SLC9A8: variants seen among roughly 807,000 people sequenced by gnomAD.
The protein encoded by SLC9A8 is sodium/hydrogen exchanger 8.
In SLC9A8, 48 loss-of-function variants were observed where a neutral mutation model predicts 66.6. That is an observed-to-expected ratio of 0.72 (90% confidence interval 0.57 to 0.92). The LOEUF (loss-of-function observed/expected upper bound fraction) is 0.92. SLC9A8 is among the 40% of genes least tolerant of loss of function. SLC9A8 has a pLI of 0.00. For missense variants in SLC9A8, 599 were observed against 747.3 expected, an observed-to-expected ratio of 0.80 and a Z score of 2.31; for synonymous variants, 274 against 282.6, an observed-to-expected ratio of 0.97 and a Z score of 0.31.
chr20:49,834,364 ACTGTG>A (rs2087392952), intron 3 of SLC9A8, among the ~76,000 whole-genome samples: 5 of 59,008 alleles, frequency 8.5e-5, no homozygotes, highest in South Asian at 4.1e-4. Flanking sequence ...ATATATATAT[ACTGTG>A]TATATATATA....
intron 1 of SLC9A8, 122 bp downstream of exon 1, chr20:49,813,070 C>A: frequency 1.5e-6 from 1 of 669,060 alleles, no homozygotes; most frequent in Non-Finnish European, 2.1e-6. Flanking sequence ...TTGGCCAGGA[C>A]TGACCAAGCC....
chr20:49,870,080 G>T (rs1361110480), intron 10 of SLC9A8, among the ~76,000 whole-genome samples: 1 of 152,150 alleles, frequency 6.6e-6, no homozygotes, highest in Non-Finnish European at 1.5e-5. Flanking sequence ...GCCATGGAAA[G>T]AATTTGACAT....
chr20:49,843,758 A>C (rs1285494545), intron 4 of SLC9A8, among the ~76,000 whole-genome samples: 1 of 152,168 alleles, frequency 6.6e-6, no homozygotes, highest in Non-Finnish European at 1.5e-5. Flanking sequence ...ATCTGGAAGC[A>C]TGGTGCTATG....
At chr20:49,875,858 C>T (rs1302634963) in intron 11 of SLC9A8, among the ~76,000 whole-genome samples, 6 of 152,052 alleles carry the variant, frequency 3.9e-5, no homozygotes, top group Non-Finnish European at 8.8e-5. Context: ...CCTCAGCCTC[C>T]GGAGTAGCTG....
At chr20:49,864,306 G>A (rs1298429552) in intron 9 of SLC9A8, among the ~76,000 whole-genome samples, 1 of 152,226 alleles carries the variant, frequency 6.6e-6, no homozygotes, top group Non-Finnish European at 1.5e-5. Context: ...GGGAAAGCAA[G>A]ATGGGTAGCA....
intron 3 of SLC9A8, among the ~76,000 whole-genome samples, chr20:49,826,150 A>C (rs2086905067): frequency 6.6e-6 from 1 of 152,254 alleles, no homozygotes; most frequent in African/African-American, 2.4e-5. Context: ...ACCCAAGAGC[A>C]CTTCCAGGGA....
intron 9 of SLC9A8, chr20:49,863,891 C>A (rs1429101304): frequency 6.6e-6 from 1 of 152,230 alleles, no homozygotes. Context: ...CCGGAAGAGA[C>A]TCTTTTGCCT....
At chr20:49,834,329 CTGTGTATATATATATAT>C (rs1568812664) in intron 3 of SLC9A8, among the ~76,000 whole-genome samples, 1,905 of 96,946 alleles carry the variant, frequency 0.02, 31 homozygotes, top group Non-Finnish European at 0.026. Context: ...TATATATATA[CTGTGTATATATATATAT>C]ACTGTATATA....
chr20:49,887,033 C>A, intron 15 of SLC9A8, 135 bp downstream of exon 15: 1 of 933,402 alleles, frequency 1.1e-6, no homozygotes, highest in Non-Finnish European at 1.6e-6. Context: ...CCGCCGCCTC[C>A]CGATCTGGAG....
At chr20:49,835,479 G>A (rs745634753) in intron 3 of SLC9A8, among the ~76,000 whole-genome samples, 3 of 151,802 alleles carry the variant, frequency 2.0e-5, no homozygotes, top group Non-Finnish European at 2.9e-5. Context: ...ACCCCAAAAA[G>A]AAACTCATAC....
Position 49,855,506 on chromosome 20 carries a change from ATGTGG to A in SLC9A8, c.639_643del (p.His213GlnfsTer27). The stretch of plus-strand genomic sequence containing the variant: ...ACTATTGCCATTTTCAATGCACTTC[ATGTGG>A]ACCCCGTGCTCAACATGCTGGTCTT... On this transcript the variant is annotated frameshift_variant, in exon 8 of 16. Transcript: ENST00000361573. LOFTEE classifies it high-confidence loss of function. The A allele has an allele frequency of 1.9e-6, 3 of 1,614,090 alleles. No homozygotes were observed. Among genetic ancestry groups the A allele is most frequent in the Non-Finnish European group, 2.5e-6 (3 of 1,179,992 alleles).
intron 9 of SLC9A8, among the ~76,000 whole-genome samples, 181 bp downstream of exon 9, chr20:49,863,248 G>C (rs1015647556): frequency 1.3e-5 from 2 of 152,102 alleles, no homozygotes; most frequent in African/African-American, 4.8e-5. Flanking sequence ...TTAATCTAAC[G>C]TGAAATTTAG....
intron 10 of SLC9A8, among the ~76,000 whole-genome samples, chr20:49,871,130 C>G (rs568629543): frequency 6.6e-6 from 1 of 152,312 alleles, no homozygotes; most frequent in South Asian, 2.1e-4. Context: ...TTACTCTGTA[C>G]CTCAGTGAGT....
chr20:49,854,424 G>A (rs778619485), intron 7 of SLC9A8, among the ~76,000 whole-genome samples: 16 of 152,088 alleles, frequency 1.1e-4, no homozygotes, highest in Middle Eastern at 3.4e-3. Context: ...CTGGCCAGCT[G>A]CTTCTTAACA....
At chr20:49,884,088 G>A (rs1194328163) in intron 14 of SLC9A8, 22 bp downstream of exon 14, 6 of 1,604,094 alleles carry the variant, frequency 3.7e-6, no homozygotes, top group Non-Finnish European at 5.1e-6. Flanking sequence ...GCGCCTGTGG[G>A]GGTGGGGCAG....
intron 10 of SLC9A8, among the ~76,000 whole-genome samples, chr20:49,868,749 A>G (rs2089076860): frequency 6.6e-6 from 1 of 152,178 alleles, no homozygotes; most frequent in African/African-American, 2.4e-5. Context: ...AATAGACAAA[A>G]GGGCCAGCCT....
chr20:49,854,889 G>A (rs1204855644), intron 7 of SLC9A8, among the ~76,000 whole-genome samples: 1 of 152,198 alleles, frequency 6.6e-6, no homozygotes, highest in African/African-American at 2.4e-5. Context: ...CACGGGGACT[G>A]TCAGTGAGGT....
At chr20:49,812,999 G>T in intron 1 of SLC9A8, 51 bp downstream of exon 1, 1 of 1,360,972 alleles carries the variant, frequency 7.3e-7, no homozygotes, top group African/African-American at 1.5e-5. Context: ...GGGCCCCGGC[G>T]GGTGACAGCG....
chr20:49,887,803 C>T (rs534662037), intron 15 of SLC9A8, 26 bp from the exon 16 acceptor site: 115 of 1,551,188 alleles, frequency 7.4e-5, no homozygotes, highest in East Asian at 5.7e-4. Flanking sequence ...GACGCCCTGA[C>T]GGCTTGGTTG....
Sources: allele counts gnomAD v4.1 joint callset (sites outside exome capture counted in the v4.1 genomes callset), GRCh38; gene constraint gnomAD v4.1.1; transcripts MANE v1.5; gene names NCBI Gene and HGNC (gene_info 2026-07-23, HGNC 2026-07-21).